The following RTL4 variants were observed in gnomAD, a reference collection of about 807,000 sequenced individuals.
The protein encoded by RTL4 is retrotransposon Gag-like protein 4.
Under a neutral mutation model 5.3 loss-of-function variants are expected in RTL4, and 4 were observed. That is an observed-to-expected ratio of 0.75 (90% confidence interval 0.37 to 1.72). The LOEUF is 1.72. RTL4 is among the 40% of genes most tolerant of loss of function. The pLI is 0.04. For missense variants in RTL4, 260 were observed against 227.1 expected, an observed-to-expected ratio of 1.14 and a Z score of -0.93; for synonymous variants, 98 against 87.3, an observed-to-expected ratio of 1.12 and a Z score of -0.68.
the RTL4 span, among the ~76,000 whole-genome samples, chrX:112,121,233 A>G: frequency 0.16 from 17,883 of 111,146 alleles, 2,165 homozygotes; most frequent in African/African-American, 0.42. Flanking sequence ...TATTATGAAA[A>G]CCAATGAAAC....
At chrX:112,184,935 T>A in the RTL4 span, among the ~76,000 whole-genome samples, 1 of 111,626 alleles carries the variant, frequency 9.0e-6, no homozygotes, top group African/African-American at 3.3e-5. Context: ...CCAGGTTTAT[T>A]ATCCAAACTG....
chrX:112,165,935 G>T, the RTL4 span, among the ~76,000 whole-genome samples: 1 of 112,410 alleles, frequency 8.9e-6, no homozygotes, highest in Non-Finnish European at 1.9e-5. Flanking sequence ...AATGGAACAT[G>T]TGTTCATTAA....
chrX:112,297,942 A>G, the RTL4 span, among the ~76,000 whole-genome samples: 1 of 111,859 alleles, frequency 8.9e-6, no homozygotes, highest in South Asian at 3.7e-4. Context: ...TCTTGAGGAC[A>G]GGGTCTAAGA....
chrX:112,217,898 G>A, the RTL4 span, among the ~76,000 whole-genome samples: 1 of 110,891 alleles, frequency 9.0e-6, no homozygotes, highest in Non-Finnish European at 1.9e-5. Context: ...TTGCAAAAAT[G>A]GAAATCAAAA....
At chrX:112,154,711 C>T in the RTL4 span, among the ~76,000 whole-genome samples, 1 of 111,674 alleles carries the variant, frequency 9.0e-6, no homozygotes, top group Non-Finnish European at 1.9e-5. Context: ...TTCAGCCATT[C>T]AGCAATTTAC....
At chrX:112,416,408 T>C in the RTL4 span, among the ~76,000 whole-genome samples, 1 of 112,265 alleles carries the variant, frequency 8.9e-6, no homozygotes, top group African/African-American at 3.2e-5. Flanking sequence ...AAAAAGTTAC[T>C]ATGTTGTTTA....
At chrX:112,089,355 T>G in the RTL4 span, among the ~76,000 whole-genome samples, 1 of 111,566 alleles carries the variant, frequency 9.0e-6, no homozygotes, top group African/African-American at 3.3e-5. Context: ...CTCTTGTGTT[T>G]TCTTTTAAGT....
chrX:112,319,061 A>G, the RTL4 span, among the ~76,000 whole-genome samples: 1 of 111,962 alleles, frequency 8.9e-6, no homozygotes, highest in Non-Finnish European at 1.9e-5. Context: ...TGAACTAAAC[A>G]TGTGCAGGAC....
At chrX:112,236,535 G>A in the RTL4 span, among the ~76,000 whole-genome samples, 5 of 94,477 alleles carry the variant, frequency 5.3e-5, no homozygotes, top group East Asian at 1.3e-3. Context: ...TATGTCTTCT[G>A]TGAAGACAGA....
the RTL4 span, among the ~76,000 whole-genome samples, chrX:112,203,001 T>C: frequency 3.6e-5 from 4 of 111,884 alleles, no homozygotes; most frequent in African/African-American, 1.3e-4. Flanking sequence ...TTAATTTGCA[T>C]TTTTCTGCTG....
chrX:112,368,152 G>A, the RTL4 span, among the ~76,000 whole-genome samples: 4 of 111,449 alleles, frequency 3.6e-5, no homozygotes, highest in African/African-American at 1.3e-4. Context: ...GATTAGAAGG[G>A]GCAAGACTAG....
At chrX:112,103,961 G>T in the RTL4 span, among the ~76,000 whole-genome samples, 1 of 105,985 alleles carries the variant, frequency 9.4e-6, no homozygotes, top group Non-Finnish European at 1.9e-5. Flanking sequence ...TATCATTACA[G>T]TCACCATGTT....
chrX:112,441,846 A>T, the RTL4 span, among the ~76,000 whole-genome samples: 1 of 112,355 alleles, frequency 8.9e-6, no homozygotes, highest in Non-Finnish European at 1.9e-5. Context: ...ATGCAGCTTT[A>T]TTTGTAATGG....
chrX:112,202,576 T>G, the RTL4 span, among the ~76,000 whole-genome samples: 3 of 103,180 alleles, frequency 2.9e-5, no homozygotes, highest in African/African-American at 7.2e-5. Flanking sequence ...TTATTATTAT[T>G]ATGAGACAGA....
the RTL4 span, among the ~76,000 whole-genome samples, chrX:112,430,333 A>G: frequency 6.6e-4 from 73 of 110,611 alleles, no homozygotes; most frequent in Non-Finnish European, 1.2e-3. Flanking sequence ...TGTCCAGTAT[A>G]TTAATTAGGT....
the RTL4 span, among the ~76,000 whole-genome samples, chrX:112,393,170 T>TG: frequency 2.1e-4 from 21 of 99,232 alleles, no homozygotes; most frequent in East Asian, 5.9e-4. Flanking sequence ...TGTTTTTTTT[T>TG]TTTGTTTGTT....
At chrX:112,437,876 C>T in the RTL4 span, among the ~76,000 whole-genome samples, 1 of 107,171 alleles carries the variant, frequency 9.3e-6, no homozygotes, top group Admixed American at 1.0e-4. Flanking sequence ...TTATGTCTTG[C>T]CTCTTTTTTG....
At chrX:112,310,037 G>A in the RTL4 span, among the ~76,000 whole-genome samples, 1 of 105,011 alleles carries the variant, frequency 9.5e-6, no homozygotes, top group Non-Finnish European at 1.9e-5. Flanking sequence ...CCTGGTAAAC[G>A]AAGTGAGATC....
chrX:112,339,131 G>A, the RTL4 span, among the ~76,000 whole-genome samples: 10 of 111,431 alleles, frequency 9.0e-5, no homozygotes, highest in East Asian at 1.1e-3. Context: ...ACTCCATACC[G>A]TAAGTAACAG....
Sources: gnomAD v4.1 joint callset for allele counts (sites outside exome capture counted in the v4.1 genomes callset) on GRCh38, gnomAD v4.1.1 for gene constraint, MANE v1.5 for transcripts, NCBI Gene and HGNC (gene_info 2026-07-23, HGNC 2026-07-21) for gene names.